Variants in SLC35F3 observed in about 807,000 individuals in gnomAD.
The protein encoded by SLC35F3 is solute carrier family 35 member F3.
In SLC35F3, 25 loss-of-function variants were observed where a neutral mutation model predicts 49.9. The observed-to-expected ratio is 0.50, with a 90% CI of 0.37 to 0.70. The LOEUF is 0.70. SLC35F3 is among the 30% of genes least tolerant of loss of function. The pLI is 0.00. For synonymous variants in SLC35F3, 275 were observed against 265.4 expected, an observed-to-expected ratio of 1.04 and a Z score of -0.35; for missense variants, 525 against 639.8, an observed-to-expected ratio of 0.82 and a Z score of 1.94.
intron 3 of SLC35F3, among the ~76,000 whole-genome samples, chr1:234,233,491 C>T (rs908879561): frequency 3.9e-5 from 6 of 152,236 alleles, no homozygotes; most frequent in Non-Finnish European, 8.8e-5. Flanking sequence ...TACCACTTAC[C>T]TGGGAAGACT....
intron 3 of SLC35F3, among the ~76,000 whole-genome samples, chr1:234,265,177 C>T (rs763047816): frequency 1.3e-5 from 2 of 152,124 alleles, no homozygotes; most frequent in African/African-American, 4.8e-5. Flanking sequence ...CACCTGCCCT[C>T]GAATAGCAAG....
At chr1:233,955,715 C>T (rs1253999868) in intron 2 of SLC35F3, among the ~76,000 whole-genome samples, 1 of 151,586 alleles carries the variant, frequency 6.6e-6, no homozygotes, top group Non-Finnish European at 1.5e-5. Context: ...GTAATCCTTC[C>T]GAAATGCAAT....
chr1:234,285,336 C>T (rs149700685), intron 3 of SLC35F3: 15 of 484,040 alleles, frequency 3.1e-5, no homozygotes, highest in African/African-American at 1.4e-4. Flanking sequence ...AAAATACATC[C>T]GCAGGGTTCA....
intron 2 of SLC35F3, among the ~76,000 whole-genome samples, chr1:234,143,288 C>CTTTTCTTTTTTTTTT (rs1478216426): frequency 6.5e-5 from 8 of 123,526 alleles, no homozygotes; most frequent in South Asian, 2.7e-4. Context: ...CTTTTCTTTT[C>CTTTTCTTTTTTTTTT]TTTTTTTTTT....
intron 2 of SLC35F3, among the ~76,000 whole-genome samples, chr1:234,005,820 G>A (rs1203460870): frequency 6.6e-6 from 1 of 152,132 alleles, no homozygotes; most frequent in Non-Finnish European, 1.5e-5. Context: ...CAAGTTGGAT[G>A]GTTTGTGTGG....
Position 234,231,282 on chromosome 1 carries a change from G to C in SLC35F3, c.284-135G>C, listed in dbSNP as rs1195703035. On this transcript the variant is annotated intron_variant, in intron 2 of 7. Transcript: ENST00000366618. This position sits in a 1 kb window ranked among gnomAD's most constrained non-coding sequence, Gnocchi z 5.4. ...CAGCTTGCTGTCACACAGCCGCCCT[G>C]GAAGCCGCCCCTGCACCCGCTATCT... The C allele has an allele frequency of 1.3e-5, 9 of 710,874 alleles. No homozygotes were observed. In the Admixed American group the frequency reaches 2.8e-4, roughly 22 times the overall value. The allele number at this position is 710,874 out of a possible 1,614,324, so 44.0% of individuals were successfully genotyped here.
intron 2 of SLC35F3, among the ~76,000 whole-genome samples, chr1:233,975,695 G>A (rs756659693): frequency 8.5e-5 from 13 of 152,208 alleles, no homozygotes; most frequent in Non-Finnish European, 1.5e-4. Context: ...TGAGGAAGTG[G>A]CTGGGAGCTG....
At chr1:234,067,269 C>T (rs1226099808) in intron 2 of SLC35F3, among the ~76,000 whole-genome samples, 5 of 152,108 alleles carry the variant, frequency 3.3e-5, no homozygotes, top group Admixed American at 1.3e-4. Flanking sequence ...AAGATTTCAA[C>T]GGCTATTGTC....
intron 2 of SLC35F3, among the ~76,000 whole-genome samples, chr1:234,113,221 A>C (rs967835259): frequency 3.3e-5 from 5 of 152,226 alleles, no homozygotes; most frequent in African/African-American, 1.2e-4. Context: ...AATTGCCATA[A>C]TCATCAAAGT....
chr1:234,280,448 G>A (rs1005413753), intron 3 of SLC35F3, among the ~76,000 whole-genome samples: 3 of 152,162 alleles, frequency 2.0e-5, no homozygotes, highest in East Asian at 1.9e-4. Context: ...GCTGAAACCG[G>A]TTTTCTGTTT....
chr1:234,135,403 G>C (rs942056288), intron 2 of SLC35F3, among the ~76,000 whole-genome samples: 7 of 152,180 alleles, frequency 4.6e-5, no homozygotes, highest in African/African-American at 1.7e-4. Flanking sequence ...ATGAATGGAT[G>C]CATCAGGATA....
At chr1:234,020,202 T>C (rs750573908) in intron 2 of SLC35F3, among the ~76,000 whole-genome samples, 3 of 152,224 alleles carry the variant, frequency 2.0e-5, no homozygotes, top group Non-Finnish European at 2.9e-5. Flanking sequence ...GGTTATTTCA[T>C]TGTATTGTAG....
chr1:234,019,149 G>A (rs1349218973), intron 2 of SLC35F3, among the ~76,000 whole-genome samples: 2 of 152,180 alleles, frequency 1.3e-5, no homozygotes, highest in Non-Finnish European at 2.9e-5. Flanking sequence ...GAGACTTTCT[G>A]ACAGCTCCTG....
intron 2 of SLC35F3, among the ~76,000 whole-genome samples, chr1:234,124,006 ACT>A (rs1239167950): frequency 1.3e-5 from 2 of 152,034 alleles, no homozygotes; most frequent in African/African-American, 4.8e-5. Context: ...TCTCAGACAC[ACT>A]CTCTGAAGGC....
chr1:234,321,568 C>T (rs1329026174), intron 7 of SLC35F3, among the ~76,000 whole-genome samples: 4 of 152,214 alleles, frequency 2.6e-5, no homozygotes, highest in African/African-American at 9.7e-5. Context: ...ATACCGTGTT[C>T]CTGTCTCCAG....
intron 2 of SLC35F3, among the ~76,000 whole-genome samples, chr1:234,182,039 G>A (rs539564670): frequency 1.3e-5 from 2 of 152,132 alleles, no homozygotes; most frequent in Non-Finnish European, 2.9e-5. Context: ...ATATACGAAT[G>A]GCGAAAGGAA....
intron 3 of SLC35F3, among the ~76,000 whole-genome samples, chr1:234,303,121 C>A (rs540664465): frequency 1.3e-5 from 2 of 152,142 alleles, no homozygotes; most frequent in African/African-American, 4.8e-5. Flanking sequence ...ACCCCCAACA[C>A]AATAATATCC....
chr1:234,099,149 A>G (rs1665176572), intron 2 of SLC35F3, among the ~76,000 whole-genome samples: 1 of 152,134 alleles, frequency 6.6e-6, no homozygotes, highest in African/African-American at 2.4e-5. Flanking sequence ...GGCAGAAATC[A>G]TATCATAACC....
chr1:234,135,370 A>G lies in SLC35F3; in HGVS notation c.284-96047A>G, dbSNP rs76546913. On this transcript the variant is annotated intron_variant, in intron 2 of 7. Coordinates refer to ENST00000366618, the MANE Select transcript of SLC35F3 (RefSeq NM_173508.4). ...ATGCACCTATTATGTACCAATAAAA[A>G]TGAAAAAAATTAAAAAGAATGGATG... Among the ~76,000 whole-genome samples the G allele has an allele frequency of 3.9e-5, 6 of 152,316 alleles. No homozygotes were observed. In the East Asian group the frequency reaches 1.2e-3, roughly 29 times the overall value.
Sources: allele counts gnomAD v4.1 joint callset (sites outside exome capture counted in the v4.1 genomes callset), GRCh38; gene constraint gnomAD v4.1.1; non-coding constraint Gnocchi (gnomAD v3.1); transcripts MANE v1.5; gene names NCBI Gene and HGNC (gene_info 2026-07-23, HGNC 2026-07-21).